Variants in PACRG observed in about 807,000 individuals in gnomAD.
PACRG encodes parkin coregulated gene protein.
Under a neutral mutation model 29.7 loss-of-function variants are expected in PACRG, and 29 were observed. That is an observed-to-expected ratio of 0.98 (90% CI 0.73 to 1.33). The LOEUF (loss-of-function observed/expected upper bound fraction) is 1.33. PACRG is among the 40% of genes most tolerant of loss of function. The pLI is 0.00. For missense variants in PACRG, 279 were observed against 316.2 expected (o/e 0.88, Z 0.89); for synonymous variants, 116 against 118.7 (o/e 0.98, Z 0.15).
intron 1 of PACRG, among the ~76,000 whole-genome samples, chr6:162,794,957 T>TG (rs2128332443): frequency 6.6e-6 from 1 of 151,802 alleles, no homozygotes; most frequent in African/African-American, 2.4e-5. Flanking sequence ...ATGAATATTG[T>TG]GGAAAAAAAG....
At chr6:163,123,067 T>C (rs1816365791) in intron 4 of PACRG, among the ~76,000 whole-genome samples, 1 of 152,104 alleles carries the variant, frequency 6.6e-6, no homozygotes, top group South Asian at 2.1e-4. Context: ...AGCTCCCCGG[T>C]ACAGAAGGAG....
intron 1 of PACRG, among the ~76,000 whole-genome samples, chr6:162,767,002 T>A (rs1400690092): frequency 2.0e-5 from 3 of 152,176 alleles, no homozygotes; most frequent in Admixed American, 6.5e-5. Context: ...TAATAATTTT[T>A]AAATATATAC....
chr6:162,752,385 G>A (rs1045551239), intron 1 of PACRG, among the ~76,000 whole-genome samples: 1 of 152,130 alleles, frequency 6.6e-6, no homozygotes, highest in African/African-American at 2.4e-5. Flanking sequence ...GCAAGAGTTG[G>A]GGGAGTTAGG....
chr6:163,042,002 A>G (rs1808776316), intron 2 of PACRG, among the ~76,000 whole-genome samples: 1 of 152,210 alleles, frequency 6.6e-6, no homozygotes, highest in Non-Finnish European at 1.5e-5. Context: ...AGTAGCTGGA[A>G]TAACAGGCAT....
chr6:162,818,911 T>C (rs1567898), intron 2 of PACRG, among the ~76,000 whole-genome samples: 113,739 of 152,026 alleles, frequency 0.75, 43,277 homozygotes, highest in African/African-American at 0.9. Flanking sequence ...ACCACCCTTT[T>C]ATGCATGCAA....
At position 162,842,258 on chromosome 6, in the gene PACRG, T is replaced by C. The variant is rs1157973849; in HGVS notation, c.291+27977T>C. ...GTCTCTTTGTAGGTCACTCAGGACTTGCTTTATGAATCTGGGTGCTCCTGT... is the reference window on the plus strand; with the variant it reads ...GTCTCTTTGTAGGTCACTCAGGACTCGCTTTATGAATCTGGGTGCTCCTGT... On this transcript the variant is annotated intron_variant, in intron 2 of 4. Transcript: ENST00000366888. 1.1e-4 allele frequency among the ~76,000 whole-genome samples: 16 copies of C among 141,160 alleles called. No individual in the cohort carries two copies. The South Asian group carries it at 2.5e-3, about 22-fold the overall frequency. The allele number at this position is 141,160 out of a possible 152,430, so 92.6% of individuals were successfully genotyped here.
intron 4 of PACRG, among the ~76,000 whole-genome samples, chr6:163,253,155 C>G (rs1050685395): frequency 2.0e-5 from 3 of 151,838 alleles, no homozygotes; most frequent in African/African-American, 7.3e-5. Flanking sequence ...CAAAAATTAG[C>G]CAGGCATGGT....
At chr6:162,791,218 T>A (rs1397741048) in intron 1 of PACRG, among the ~76,000 whole-genome samples, 1 of 151,958 alleles carries the variant, frequency 6.6e-6, no homozygotes, top group Non-Finnish European at 1.5e-5. Context: ...ATTGTATATG[T>A]GCTTGCAAGG....
chr6:162,789,806 C>T (rs1251266354), intron 1 of PACRG, among the ~76,000 whole-genome samples: 1 of 152,094 alleles, frequency 6.6e-6, no homozygotes, highest in Admixed American at 6.6e-5. Flanking sequence ...ATAACTGTGC[C>T]AAAATGATTG....
intron 4 of PACRG, chr6:163,312,864 C>A (rs942476307): frequency 5.1e-6 from 2 of 391,970 alleles, no homozygotes; most frequent in Non-Finnish European, 5.1e-6. Context: ...GTGATCCTCC[C>A]ACCTCAGCCT....
At chr6:162,899,919 G>T (rs1795435172) in intron 2 of PACRG, among the ~76,000 whole-genome samples, 1 of 152,136 alleles carries the variant, frequency 6.6e-6, no homozygotes, top group Non-Finnish European at 1.5e-5. Context: ...AAGAGGGAAG[G>T]CCAGGACTCC....
chr6:163,216,757 A>G (rs79293762), intron 4 of PACRG, among the ~76,000 whole-genome samples: 10,167 of 152,274 alleles, frequency 0.067, 460 homozygotes, highest in South Asian at 0.13. Flanking sequence ...CAACATTGCT[A>G]TATTTTCCCC....
intron 4 of PACRG, among the ~76,000 whole-genome samples, chr6:163,260,972 G>GCATTGAAATGGATC (rs1554236439): frequency 0.058 from 8,854 of 151,698 alleles, 866 homozygotes; most frequent in African/African-American, 0.2. Flanking sequence ...TCTAAATAAT[G>GCATTGAAATGGATC]CATTGTCATC....
intron 2 of PACRG, among the ~76,000 whole-genome samples, chr6:162,820,989 G>T (rs1787796791): frequency 6.6e-6 from 1 of 152,080 alleles, no homozygotes; most frequent in South Asian, 2.1e-4. Context: ...CTCTGGCAAT[G>T]AGTGTACTAT....
chr6:162,811,127 G>A (rs539956382), intron 1 of PACRG, among the ~76,000 whole-genome samples: 40 of 152,318 alleles, frequency 2.6e-4, no homozygotes, highest in African/African-American at 9.4e-4. Context: ...GTAGATGGAA[G>A]TGGCACACTA....
chr6:163,148,822 G>A (rs769253449), intron 4 of PACRG, among the ~76,000 whole-genome samples: 19 of 152,190 alleles, frequency 1.2e-4, no homozygotes, highest in Non-Finnish European at 2.5e-4. Context: ...CGTGCTCTGT[G>A]CAATTGCAAT....
chr6:163,270,554 T>A (rs968119927), intron 4 of PACRG, among the ~76,000 whole-genome samples: 12 of 151,864 alleles, frequency 7.9e-5, no homozygotes, highest in Non-Finnish European at 1.6e-4. Flanking sequence ...TTTTTATTTC[T>A]TGTATAAAGG....
At chr6:162,947,583 C>CATATATATATATATATATGATTATATAT (rs746673462) in intron 2 of PACRG, among the ~76,000 whole-genome samples, 1 of 42,052 alleles carries the variant, frequency 2.4e-5, no homozygotes, top group Non-Finnish European at 4.1e-5. Flanking sequence ...CATATATAAT[C>CATATATATATATATATATGATTATATAT]ATATATATAA....
chr6:163,144,041 C>T (rs927532238), intron 4 of PACRG, among the ~76,000 whole-genome samples: 9 of 151,754 alleles, frequency 5.9e-5, no homozygotes, highest in African/African-American at 2.2e-4. Flanking sequence ...CCAGCCTGGC[C>T]AACACGGTGA....
Sources: gnomAD v4.1 joint callset for allele counts (sites outside exome capture counted in the v4.1 genomes callset) on GRCh38, gnomAD v4.1.1 for gene constraint, MANE v1.5 for transcripts, NCBI Gene and HGNC (gene_info 2026-07-23, HGNC 2026-07-21) for gene names.